RP1L1: variants seen among roughly 807,000 people sequenced by gnomAD.
The protein encoded by RP1L1 is retinitis pigmentosa 1-like 1 protein.
RP1L1 carries 27 observed loss-of-function variants against 15.7 expected under a neutral mutation model. The observed-to-expected ratio is 1.72, with a 90% CI of 1.27 to 2.38. RP1L1 has a LOEUF of 2.38. Ranked by LOEUF, RP1L1 falls within the 30% of genes most tolerant of loss-of-function variation. RP1L1 has a pLI of 0.00. For missense variants in RP1L1, 4,798 were observed against 3,075.9 expected (o/e 1.56, Z -13.24); for synonymous variants, 1,813 against 1,276.7 (o/e 1.42, Z -8.96).
intron 1 of RP1L1, among the ~76,000 whole-genome samples, chr8:10,649,888 G>A (rs982414946): frequency 6.6e-6 from 1 of 152,116 alleles, no homozygotes; most frequent in African/African-American, 2.4e-5. Context: ...CTCCCCTTCA[G>A]CCGCCCCTGC....
At position 10,622,656 on chromosome 8, in the gene RP1L1, G is replaced by T; in HGVS notation, c.546C>A (p.Leu182=). ...AGCGCAGGAGATCTGAGGCTTTGCCGAGAAAGGCGGCCAGGTTCCTAGTAT... is the reference window on the plus strand; with the variant it reads ...AGCGCAGGAGATCTGAGGCTTTGCCTAGAAAGGCGGCCAGGTTCCTAGTAT... ...HRNTRNLAAF[L]GKASDLLRFP... The change falls in exon 2 of 4, where the codon CTC becomes CTA. Residue 182 remains leucine (L), a synonymous_variant. Coordinates refer to ENST00000382483, the MANE Select transcript of RP1L1 (RefSeq NM_178857.6). 6.2e-7 allele frequency: 1 copy of T among 1,614,204 alleles called. No homozygotes were observed. Among genetic ancestry groups the T allele is most frequent in the Non-Finnish European group, 8.5e-7 (1 of 1,180,038 alleles).
At chr8:10,643,261 G>C (rs761888284) in intron 1 of RP1L1, among the ~76,000 whole-genome samples, 1 of 152,200 alleles carries the variant, frequency 6.6e-6, no homozygotes, top group Non-Finnish European at 1.5e-5. Context: ...GAAGGTTTGA[G>C]CCTGGGAGGT....
At chr8:10,651,889 C>T (rs182766425) in intron 1 of RP1L1, among the ~76,000 whole-genome samples, 1 of 152,244 alleles carries the variant, frequency 6.6e-6, no homozygotes, top group East Asian at 1.9e-4. Flanking sequence ...AATGACAGTG[C>T]CCCATGAGAT....
intron 1 of RP1L1, among the ~76,000 whole-genome samples, chr8:10,627,782 G>A (rs1476871411): frequency 1.3e-5 from 2 of 152,292 alleles, no homozygotes; most frequent in Admixed American, 1.3e-4. Context: ...AAACATCACA[G>A]CGTTCCACAC....
At chr8:10,628,733 G>C (rs1265522819) in intron 1 of RP1L1, among the ~76,000 whole-genome samples, 2 of 152,190 alleles carry the variant, frequency 1.3e-5, no homozygotes, top group Non-Finnish European at 2.9e-5. Context: ...GGTAATAAAA[G>C]AGGGACACAT....
At chr8:10,614,686 A>G (rs1012268814) in intron 3 of RP1L1, among the ~76,000 whole-genome samples, 2 of 150,368 alleles carry the variant, frequency 1.3e-5, no homozygotes, top group African/African-American at 2.4e-5. Flanking sequence ...AAAAGAAAAG[A>G]AAAAAGAAAG....
chr8:10,649,022 C>G (rs752793073), intron 1 of RP1L1, among the ~76,000 whole-genome samples: 3 of 152,160 alleles, frequency 2.0e-5, no homozygotes, highest in Admixed American at 6.5e-5. Context: ...GCCCTACTTT[C>G]ATGCGGAGCT....
Position 10,634,004 on chromosome 8 carries a change from G to A in RP1L1, c.-19-10784C>T, listed in dbSNP as rs542276330. On this transcript the variant is annotated intron_variant, in intron 1 of 3. Coordinates refer to ENST00000382483, the MANE Select transcript of RP1L1 (RefSeq NM_178857.6). ...AGGGTGCCCGAGGGCCTGACCAGGAGGCTCAAGTCACCCTGATCCCCAGCT... is the reference window on the plus strand; with the variant it reads ...AGGGTGCCCGAGGGCCTGACCAGGAAGCTCAAGTCACCCTGATCCCCAGCT... Among the ~76,000 whole-genome samples, 61 of 152,256 alleles carry A rather than the reference G, an allele frequency of 4.0e-4. 1 individual carries two copies. The highest frequency in any genetic ancestry group is 3.1e-3 in the Admixed American group (48 of 15,292).
intron 1 of RP1L1, among the ~76,000 whole-genome samples, chr8:10,631,819 C>G (rs1349191405): frequency 1.3e-5 from 2 of 152,188 alleles, no homozygotes; most frequent in African/African-American, 4.8e-5. Context: ...TCCTGGGGGG[C>G]TCTCCACGGC....
In RP1L1 at chr8:10,648,838, G is replaced by A. The variant is rs530714033; in HGVS notation, c.-20+6060C>T. 2.6e-5 allele frequency among the ~76,000 whole-genome samples: 4 copies of A among 152,346 alleles called. No individual in the cohort carries two copies. The South Asian group carries it at 6.2e-4, about 24-fold the overall frequency. On this transcript the variant is annotated intron_variant, in intron 1 of 3. Transcript: ENST00000382483. ...TCAGACATAATGTTCCCCGTTCCCAGCATTTATCTTCCTCTATCCTGCACA... is the reference window on the plus strand; with the variant it reads ...TCAGACATAATGTTCCCCGTTCCCAACATTTATCTTCCTCTATCCTGCACA...
chr8:10,648,630 C>A (rs1450545140), intron 1 of RP1L1, among the ~76,000 whole-genome samples: 1 of 152,204 alleles, frequency 6.6e-6, no homozygotes, highest in East Asian at 1.9e-4. Flanking sequence ...TCCCTGTCTC[C>A]TTCGAAGTCA....
At chr8:10,645,642 G>A (rs1198259498) in intron 1 of RP1L1, among the ~76,000 whole-genome samples, 1 of 152,190 alleles carries the variant, frequency 6.6e-6, no homozygotes, top group African/African-American at 2.4e-5. Context: ...GGCACGTCCT[G>A]CCAGGAGCAA....
Position 10,607,380 on chromosome 8 carries a change from C to G in RP1L1, c.6718G>C (p.Glu2240Gln), listed in dbSNP as rs80000074. Reference sequence around the variant, plus strand: ...TCACCTTGAGTTTCTCCTTCTGACTCTGGCTGGGCCTCCCCTTCAGCCTCC... The same window carrying G: ...TCACCTTGAGTTTCTCCTTCTGACTGTGGCTGGGCCTCCCCTTCAGCCTCC... ...TPEAEGEAQP[E>Q]SEGETQGEKK... The change falls in exon 4 of 4, where the codon GAG becomes CAG. Residue 2240 changes from glutamate (E) to glutamine (Q), a missense_variant. Physicochemically the swap from Glu to Gln is conservative, Grantham distance 29. Transcript: ENST00000382483. 6,459 of 1,607,946 alleles carry G rather than the reference C, an allele frequency of 4.0e-3. 245 individuals are homozygous for G. In the African/African-American group the frequency reaches 0.077, roughly 19 times the overall value.
In RP1L1 at chr8:10,607,423, T is replaced by G. The variant is rs745748048; in HGVS notation, c.6675A>C (p.Pro2225=). 1.1e-5 allele frequency: 18 copies of G among 1,613,722 alleles called. No individual in the cohort carries two copies. Among genetic ancestry groups the G allele is most frequent in the Non-Finnish European group, 1.2e-5 (14 of 1,179,880 alleles). ...CAGCCTCCGGGGTCTCTACGCCTTC[T>G]GGCTCTGGCTGGGCCTCCTCTTCAG... ...PEAEEEAQPE[P]EGVETPEAEG... The change falls in exon 4 of 4, where the codon CCA becomes CCC. Residue 2225 remains proline, a synonymous_variant. Coordinates refer to ENST00000382483, the MANE Select transcript of RP1L1 (RefSeq NM_178857.6).
At chr8:10,649,616 T>A (rs987468632) in intron 1 of RP1L1, among the ~76,000 whole-genome samples, 3 of 152,192 alleles carry the variant, frequency 2.0e-5, no homozygotes, top group Admixed American at 6.5e-5. Flanking sequence ...CGGTGGCTCA[T>A]GCCTGTAATT....
Position 10,613,157 on chromosome 8 carries a change from C to T in RP1L1, c.941G>A (p.Arg314His), listed in dbSNP as rs758498873. Residue 314 changes from arginine to histidine, a missense_variant, in exon 4 of 4, where the codon CGC becomes CAC. Coordinates refer to ENST00000382483, the MANE Select transcript of RP1L1 (RefSeq NM_178857.6). ...GGACAGGCTGCCGTCCTCATTCATG[C>T]GGACCTTCTTCTTCATGTCATCGCC... ...VAGDDMKKKVRMNEDGSLSVE... is the reference protein window; with the variant it reads ...VAGDDMKKKVHMNEDGSLSVE... 1.4e-5 allele frequency: 22 copies of T among 1,613,852 alleles called. No homozygotes were observed. Among genetic ancestry groups the T allele is most frequent in the African/African-American group, 8.0e-5 (6 of 75,080 alleles).
Position 10,607,382 on chromosome 8 carries a change from G to A in RP1L1, c.6716C>T (p.Pro2239Leu). The change falls in exon 4 of 4, where the codon CCA (proline) becomes CTA (leucine). Residue 2239 changes from proline to leucine, a missense_variant. Physicochemically the swap from Pro to Leu is moderately conservative, Grantham distance 98 (BLOSUM62 -3). Transcript: ENST00000382483. ...ACCTTGAGTTTCTCCTTCTGACTCT[G>A]GCTGGGCCTCCCCTTCAGCCTCCGG... ...ETPEAEGEAQPESEGETQGEK... is the reference protein window; with the variant it reads ...ETPEAEGEAQLESEGETQGEK... The A allele has an allele frequency of 6.2e-7, 1 of 1,607,932 alleles. No homozygotes were observed. Among genetic ancestry groups the A allele is most frequent in the Non-Finnish European group, 8.5e-7 (1 of 1,176,238 alleles).
At chr8:10,614,684 A>G (rs1797937227) in intron 3 of RP1L1, among the ~76,000 whole-genome samples, 1 of 150,724 alleles carries the variant, frequency 6.6e-6, no homozygotes, top group Non-Finnish European at 1.5e-5. Flanking sequence ...AAAAAAGAAA[A>G]GAAAAAAGAA....
In RP1L1 at chr8:10,610,137, G is replaced by C. The variant is rs200373757; in HGVS notation, c.3961C>G (p.Gln1321Glu). ...EGEGLQEEAV[Q>E]LEETKTEEGL... ...TCTTCTGTTTTAGTTTCCTCTAACT[G>C]CACCGCCTCTTCTTGCAGCCCTTCT... The change falls in exon 4 of 4, where the codon CAG becomes GAG. Residue 1321 changes from glutamine to glutamate, a missense_variant. Gln to Glu is a conservative substitution (Grantham distance 29, BLOSUM62 2). Coordinates refer to ENST00000382483, the MANE Select transcript of RP1L1 (RefSeq NM_178857.6). The C allele has an allele frequency of 0.024, 33,988 of 1,432,726 alleles. 859 individuals carry two copies. The highest frequency in any genetic ancestry group is 0.051 in the Middle Eastern group (276 of 5,406). 88.8% of individuals were successfully genotyped at this position (1,432,726 alleles called of 1,614,324 possible). A position where few individuals can be genotyped will look rare whatever the true frequency, so the allele number is the denominator to read the frequency against.
Sources: allele counts gnomAD v4.1 joint callset (sites outside exome capture counted in the v4.1 genomes callset), GRCh38; gene constraint gnomAD v4.1.1; transcripts MANE v1.5; gene names NCBI Gene and HGNC (gene_info 2026-07-23, HGNC 2026-07-21).